CSRNP3: variants seen among roughly 807,000 people sequenced by gnomAD.
The protein encoded by CSRNP3 is cysteine and serine rich nuclear protein 3, also known as cysteine/serine-rich nuclear protein 3.
In CSRNP3, 12 loss-of-function variants were observed where a neutral mutation model predicts 48.0. That is an observed-to-expected ratio of 0.25 (90% CI 0.16 to 0.41). CSRNP3 has a LOEUF of 0.41. Among genes scored for constraint, CSRNP3 ranks in the 10% least tolerant of loss-of-function variants. The pLI, the probability that CSRNP3 is intolerant of heterozygous loss-of-function variation, is 1.00. For synonymous variants in CSRNP3, 263 were observed against 269.7 expected, an observed-to-expected ratio of 0.98 and a Z score of 0.24; for missense variants, 580 against 724.4, an observed-to-expected ratio of 0.80 and a Z score of 2.29.
At chr2:165,672,122 G>GTA (rs1687341573) in intron 5 of CSRNP3, among the ~76,000 whole-genome samples, 1 of 152,110 alleles carries the variant, frequency 6.6e-6, no homozygotes, top group African/African-American at 2.4e-5. Flanking sequence ...ACATCTCTAG[G>GTA]AAGTTCTGAA....
chr2:165,489,775 T>C (rs1684176630), intron 1 of CSRNP3, among the ~76,000 whole-genome samples: 2 of 124,898 alleles, frequency 1.6e-5, no homozygotes, highest in African/African-American at 6.5e-5. Context: ...TCTCAATAAA[T>C]TAGGTATTGA....
chr2:165,545,767 G>T (rs866130035), intron 3 of CSRNP3, among the ~76,000 whole-genome samples: 1 of 151,950 alleles, frequency 6.6e-6, no homozygotes, highest in South Asian at 2.1e-4. Context: ...CCTTTTATTT[G>T]TGTTTCTTAA....
intron 4 of CSRNP3, among the ~76,000 whole-genome samples, chr2:165,623,472 C>G (rs1276119186): frequency 1.3e-5 from 2 of 152,126 alleles, no homozygotes; most frequent in African/African-American, 2.4e-5. Context: ...GAAAAATTGT[C>G]TTGCACAAAA....
intron 3 of CSRNP3, among the ~76,000 whole-genome samples, chr2:165,550,329 A>G (rs763703602): frequency 2.0e-5 from 3 of 152,210 alleles, no homozygotes; most frequent in South Asian, 4.1e-4. Context: ...ATGTCAATGT[A>G]TCAGTGAGCC....
At chr2:165,649,970 G>A (rs764626835) in intron 4 of CSRNP3, among the ~76,000 whole-genome samples, 1 of 152,000 alleles carries the variant, frequency 6.6e-6, no homozygotes, top group South Asian at 2.1e-4. Flanking sequence ...GTGATTGTTA[G>A]TATGTGTTTT....
chr2:165,500,616 C>A (rs1684346421), intron 2 of CSRNP3, among the ~76,000 whole-genome samples: 2 of 151,850 alleles, frequency 1.3e-5, no homozygotes, highest in Non-Finnish European at 2.9e-5. Context: ...TGCCACTACG[C>A]CCGGCTAATT....
chr2:165,595,146 A>C lies in CSRNP3; in HGVS notation c.81A>C (p.Glu27Asp). 6.2e-7 allele frequency: 1 copy of C among 1,614,144 alleles called. No individual in the cohort carries two copies. The highest frequency in any genetic ancestry group is 8.5e-7 in the Non-Finnish European group (1 of 1,180,004). The change falls in exon 4 of 7, where the codon GAA (glutamate) becomes GAC (aspartate). Residue 27 changes from glutamate (E) to aspartate (D), a missense_variant. Coordinates refer to ENST00000651982, the MANE Select transcript of CSRNP3 (RefSeq NM_001172173.2). ...CCTCTGTGAGGGAATCAGATGATGA[A>C]GTTTCCAGCAGTGAAAGTGCTGACA... ...PCSSVRESDD[E>D]VSSSESADSG...
At chr2:165,600,642 G>A (rs189749580) in intron 4 of CSRNP3, among the ~76,000 whole-genome samples, 1 of 152,050 alleles carries the variant, frequency 6.6e-6, no homozygotes, top group African/African-American at 2.4e-5. Flanking sequence ...GGTGTGAGAT[G>A]GTATCTCACT....
intron 3 of CSRNP3, among the ~76,000 whole-genome samples, chr2:165,529,869 A>G (rs1422863235): frequency 6.6e-6 from 1 of 152,190 alleles, no homozygotes; most frequent in African/African-American, 2.4e-5. Context: ...GTGTTTAAAG[A>G]TTTGGATTAG....
intron 1 of CSRNP3, among the ~76,000 whole-genome samples, chr2:165,469,997 A>T (rs1400664948): frequency 6.6e-6 from 1 of 152,114 alleles, no homozygotes; most frequent in East Asian, 1.9e-4. Context: ...CTTTCTATGC[A>T]AGTGTCACTG....
At chr2:165,532,040 C>T (rs1684819713) in intron 3 of CSRNP3, among the ~76,000 whole-genome samples, 1 of 152,148 alleles carries the variant, frequency 6.6e-6, no homozygotes, top group South Asian at 2.1e-4. Context: ...AGACCAATAA[C>T]AGGCTCTGAA....
intron 4 of CSRNP3, among the ~76,000 whole-genome samples, chr2:165,599,063 C>T (rs1685856185): frequency 6.6e-6 from 1 of 151,438 alleles, no homozygotes. Context: ...CTCAAATCCC[C>T]ATCTCTAAAA....
intron 3 of CSRNP3, among the ~76,000 whole-genome samples, chr2:165,536,284 A>C (rs957928734): frequency 6.6e-5 from 10 of 151,910 alleles, no homozygotes; most frequent in African/African-American, 2.2e-4. Flanking sequence ...CTGACCTCAG[A>C]TTACTCTTGT....
chr2:165,656,213 A>G (rs971999791), intron 4 of CSRNP3, among the ~76,000 whole-genome samples: 6 of 152,242 alleles, frequency 3.9e-5, no homozygotes, highest in African/African-American at 1.4e-4. Flanking sequence ...ACATCAAAAA[A>G]AGTCACTCAA....
chr2:165,522,100 GGGCAACAT>G (rs1684671069), intron 3 of CSRNP3, among the ~76,000 whole-genome samples: 1 of 152,068 alleles, frequency 6.6e-6, no homozygotes, highest in African/African-American at 2.4e-5. Context: ...AGACCAGCCT[GGGCAACAT>G]GGCAAAGCCC....
rs1380938241 is a variant in CSRNP3 at position 165,681,821 on chromosome 2, G to GTATA, written c.*2069_*2070insATAT. On this transcript the variant is annotated 3_prime_UTR_variant, in exon 7 of 7. Coordinates refer to ENST00000651982, the MANE Select transcript of CSRNP3 (RefSeq NM_001172173.2). ...TATATGTATGTGTGTGTGTGTGTGT[G>GTATA]TGTGTGTGTATATATATATATCCCA... The GTATA allele has an allele frequency of 1.4e-5, 2 of 140,356 alleles. No homozygotes were observed. Among genetic ancestry groups the GTATA allele is most frequent in the African/African-American group, 5.3e-5 (2 of 37,802 alleles). The allele number at this position is 140,356 out of a possible 1,614,324, so 8.7% of individuals were successfully genotyped here.
chr2:165,598,663 G>A (rs937695894), intron 4 of CSRNP3, among the ~76,000 whole-genome samples: 1 of 152,070 alleles, frequency 6.6e-6, no homozygotes, highest in Non-Finnish European at 1.5e-5. Context: ...CTTATTTTAC[G>A]ATGTCTAAGA....
At chr2:165,478,573 T>C (rs1684000025) in intron 1 of CSRNP3, among the ~76,000 whole-genome samples, 1 of 152,236 alleles carries the variant, frequency 6.6e-6, no homozygotes, top group African/African-American at 2.4e-5. Flanking sequence ...CTATTTACCT[T>C]ACTTTTCTTC....
chr2:165,595,959 A>T (rs964121293), intron 4 of CSRNP3, among the ~76,000 whole-genome samples: 1 of 151,720 alleles, frequency 6.6e-6, no homozygotes, highest in Non-Finnish European at 1.5e-5. Context: ...ACCACACCCA[A>T]CTAATTATTT....
Sources: gnomAD v4.1 joint callset for allele counts (sites outside exome capture counted in the v4.1 genomes callset) on GRCh38, gnomAD v4.1.1 for gene constraint, MANE v1.5 for transcripts, NCBI Gene and HGNC (gene_info 2026-07-23, HGNC 2026-07-21) for gene names.